CTNND2: variants seen among roughly 807,000 people sequenced by gnomAD.
The protein encoded by CTNND2 is catenin delta 2, also known as catenin delta-2.
In CTNND2, 22 loss-of-function variants were observed where a neutral mutation model predicts 144.4. The ratio of observed to expected loss-of-function variants is 0.15; its 90% CI spans 0.11 to 0.22. CTNND2 has a LOEUF of 0.22. Among genes scored for constraint, CTNND2 ranks in the 10% least tolerant of loss-of-function variants. The pLI is 1.00. For missense variants in CTNND2, 1,353 were observed against 1,618.8 expected (o/e 0.84, Z 2.82); for synonymous variants, 751 against 695.6 (o/e 1.08, Z -1.25).
intron 2 of CTNND2, among the ~76,000 whole-genome samples, chr5:11,712,136 G>A (rs58469868): frequency 0.012 from 1,786 of 152,286 alleles, 29 homozygotes; most frequent in African/African-American, 0.041. Context: ...GTCAAACAAT[G>A]TTTGCAGAAG....
intron 11 of CTNND2, among the ~76,000 whole-genome samples, chr5:11,175,833 C>A (rs908791838): frequency 6.6e-6 from 1 of 152,044 alleles, no homozygotes; most frequent in Non-Finnish European, 1.5e-5. Context: ...GAAAGATCAC[C>A]CTCTTGACAC....
At chr5:11,738,487 T>G (rs948390538) in intron 1 of CTNND2, among the ~76,000 whole-genome samples, 1 of 152,206 alleles carries the variant, frequency 6.6e-6, no homozygotes, top group Non-Finnish European at 1.5e-5. Flanking sequence ...CTTGGCAACA[T>G]GCTAGAATCT....
chr5:11,170,406 ATTGTATGT>A (rs1759778920), intron 11 of CTNND2, among the ~76,000 whole-genome samples: 1 of 152,228 alleles, frequency 6.6e-6, no homozygotes, highest in Non-Finnish European at 1.5e-5. Context: ...GACAGATACA[ATTGTATGT>A]ATGTATCTTC....
intron 1 of CTNND2, among the ~76,000 whole-genome samples, chr5:11,759,299 ACTGT>A (rs547282257): frequency 3.4e-4 from 51 of 152,078 alleles, no homozygotes; most frequent in Non-Finnish European, 5.7e-4. Flanking sequence ...TTTATGTTTA[ACTGT>A]CTATTATGAA....
chr5:11,535,684 T>C (rs1196665714), intron 3 of CTNND2, among the ~76,000 whole-genome samples: 1 of 152,170 alleles, frequency 6.6e-6, no homozygotes, highest in African/African-American at 2.4e-5. Flanking sequence ...AAAAGTGGAA[T>C]TGGTAAAATA....
At chr5:11,099,879 A>G (rs1331358939) in intron 14 of CTNND2, among the ~76,000 whole-genome samples, 2 of 152,182 alleles carry the variant, frequency 1.3e-5, no homozygotes, top group African/African-American at 4.8e-5. Context: ...TGAGAACATG[A>G]AGGTATTTAG....
intron 7 of CTNND2, among the ~76,000 whole-genome samples, chr5:11,370,018 T>A (rs1422189468): frequency 6.6e-6 from 1 of 152,316 alleles, no homozygotes; most frequent in East Asian, 1.9e-4. Flanking sequence ...TACGAGTTCA[T>A]ACTACAATTG....
chr5:11,858,653 G>A (rs1486214504), intron 1 of CTNND2, among the ~76,000 whole-genome samples: 1 of 152,184 alleles, frequency 6.6e-6, no homozygotes, highest in Non-Finnish European at 1.5e-5. Flanking sequence ...GAACAGGCTG[G>A]GCACGGTGGC....
chr5:11,240,971 CCCA>C, intron 9 of CTNND2, among the ~76,000 whole-genome samples: 1 of 148,624 alleles, frequency 6.7e-6, no homozygotes, highest in Non-Finnish European at 1.5e-5. Context: ...TACATATACA[CCCA>C]CATCATGCAC....
chr5:11,756,603 T>A (rs553813991), intron 1 of CTNND2, among the ~76,000 whole-genome samples: 780 of 149,734 alleles, frequency 5.2e-3, no homozygotes, highest in Middle Eastern at 0.024. Flanking sequence ...CACATATACA[T>A]AAATACATCC....
At chr5:11,690,579 A>G (rs1389363476) in intron 2 of CTNND2, among the ~76,000 whole-genome samples, 2 of 151,226 alleles carry the variant, frequency 1.3e-5, no homozygotes, top group South Asian at 2.1e-4. Context: ...TAAAAATACA[A>G]AAAAAAATTA....
At chr5:11,364,926 GC>G in intron 7 of CTNND2, 36 bp from the exon 8 acceptor site, 1 of 1,558,596 alleles carries the variant, frequency 6.4e-7, no homozygotes, top group Non-Finnish European at 8.7e-7. Context: ...CAAAGCTCAG[GC>G]GACCTCCAAA....
At chr5:11,197,523 G>A (rs1736985753) in intron 11 of CTNND2, among the ~76,000 whole-genome samples, 1 of 152,164 alleles carries the variant, frequency 6.6e-6, no homozygotes, top group Non-Finnish European at 1.5e-5. Context: ...CATACATCAA[G>A]CAAGCATCCT....
intron 1 of CTNND2, among the ~76,000 whole-genome samples, chr5:11,853,877 T>C (rs1795131289): frequency 6.6e-6 from 1 of 152,208 alleles, no homozygotes; most frequent in African/African-American, 2.4e-5. Flanking sequence ...GCCGCCATCA[T>C]GAGTCATTTG....
chr5:10,991,866 C>A (rs1167126572), intron 19 of CTNND2, among the ~76,000 whole-genome samples: 1 of 152,206 alleles, frequency 6.6e-6, no homozygotes, highest in African/African-American at 2.4e-5. Flanking sequence ...TTGGTCTCCT[C>A]AACTTTTTAT....
intron 1 of CTNND2, among the ~76,000 whole-genome samples, chr5:11,770,564 G>A (rs755216223): frequency 4.6e-5 from 7 of 152,054 alleles, no homozygotes; most frequent in Non-Finnish European, 7.4e-5. Context: ...ACTCATGCCT[G>A]CACAGTGATC....
In CTNND2 at chr5:11,364,601, C is replaced by T. The variant is rs1019118051; in HGVS notation, c.1372+95G>A. 15 of 993,974 alleles carry T rather than the reference C, an allele frequency of 1.5e-5. No homozygotes were observed. In the African/African-American group the frequency reaches 2.2e-4, roughly 14 times the overall value. 61.6% of individuals were successfully genotyped at this position (993,974 alleles called of 1,614,324 possible). The stretch of plus-strand genomic sequence containing the variant: ...ACAGTGCTTGTGGGGATAGTGGACA[C>T]AGACACACACCTTTCATTTGGGAGT... On this transcript the variant is annotated intron_variant, in intron 8 of 21. Transcript: ENST00000304623.
At chr5:11,710,024 A>G (rs932106665) in intron 2 of CTNND2, among the ~76,000 whole-genome samples, 5 of 152,188 alleles carry the variant, frequency 3.3e-5, no homozygotes, top group Admixed American at 3.3e-4. Context: ...TATTTTTATT[A>G]TAAGAGATTA....
At chr5:11,278,936 C>T (rs1746834843) in intron 9 of CTNND2, among the ~76,000 whole-genome samples, 2 of 152,258 alleles carry the variant, frequency 1.3e-5, no homozygotes, top group South Asian at 4.2e-4. Context: ...TCATCCTGGT[C>T]GTCTTCTCTT....
Sources: allele counts gnomAD v4.1 joint callset (sites outside exome capture counted in the v4.1 genomes callset), GRCh38; gene constraint gnomAD v4.1.1; transcripts MANE v1.5; gene names NCBI Gene and HGNC (gene_info 2026-07-23, HGNC 2026-07-21).